GDAP1: variants seen among roughly 807,000 people sequenced by gnomAD.
GDAP1 encodes the protein ganglioside induced differentiation associated protein 1.
A neutral mutation model predicts 40.1 loss-of-function variants in GDAP1; 34 were observed. The ratio of observed to expected loss-of-function variants is 0.85; its 90% CI spans 0.64 to 1.13. GDAP1 has a LOEUF of 1.13. GDAP1 is among the 50% of genes most tolerant of loss of function. GDAP1 has a pLI of 0.00. For missense variants in GDAP1, 374 were observed against 433.7 expected, an observed-to-expected ratio of 0.86 and a Z score of 1.22; for synonymous variants, 170 against 157.4, an observed-to-expected ratio of 1.08 and a Z score of -0.60.
intron 2 of GDAP1, among the ~76,000 whole-genome samples, chr8:74,470,603 A>T (rs948579467): frequency 7.2e-5 from 11 of 152,194 alleles, no homozygotes; most frequent in Admixed American, 2.0e-4. Flanking sequence ...TTATGGCTGC[A>T]TAGTATTTCA....
Position 74,376,434 on chromosome 8 carries a change from T to C in GDAP1, c.165+25113T>C, listed in dbSNP as rs191801722. 5.6e-3 allele frequency among the ~76,000 whole-genome samples: 843 copies of C among 151,130 alleles called. 3 individuals carry two copies. The highest frequency in any genetic ancestry group is 0.014 in the Middle Eastern group (4 of 290). Reference sequence around the variant, plus strand: ...CGCGATCTTGGCTGACTGCAAGCTCTGCCTCCCGGGTTCACGCCATTCTCC... The same window carrying C: ...CGCGATCTTGGCTGACTGCAAGCTCCGCCTCCCGGGTTCACGCCATTCTCC... On this transcript the variant is annotated intron_variant, in intron 2 of 2. Coordinates refer to the GDAP1 transcript ENST00000523640.
At chr8:74,436,565 G>A (rs899357536) in intron 2 of GDAP1, among the ~76,000 whole-genome samples, 14 of 151,980 alleles carry the variant, frequency 9.2e-5, no homozygotes, top group Non-Finnish European at 4.4e-5. Context: ...TGGGATTACA[G>A]GTGTGCGCCA....
intron 2 of GDAP1, among the ~76,000 whole-genome samples, chr8:74,402,123 T>A (rs1331146175): frequency 6.7e-6 from 1 of 150,344 alleles, no homozygotes; most frequent in Non-Finnish European, 1.5e-5. Context: ...AGGTTACTGC[T>A]GCCTTTTTGT....
intron 2 of GDAP1, among the ~76,000 whole-genome samples, chr8:74,445,291 T>C (rs1033205079): frequency 6.6e-6 from 1 of 152,200 alleles, no homozygotes; most frequent in African/African-American, 2.4e-5. Context: ...GTAGAAACTA[T>C]TGCATCTTTT....
intron 2 of GDAP1, among the ~76,000 whole-genome samples, chr8:74,384,914 AG>A (rs1810003919): frequency 6.6e-6 from 1 of 152,314 alleles, no homozygotes; most frequent in South Asian, 2.1e-4. Context: ...TACACTAAAA[AG>A]TATACTAAGG....
chr8:74,482,119 TGGG>T (rs112227784), intron 2 of GDAP1, among the ~76,000 whole-genome samples: 12 of 70,750 alleles, frequency 1.7e-4, no homozygotes, highest in East Asian at 7.2e-4. Context: ...GGTTTTTTTT[TGGG>T]GGGGGGGGGT....
chr8:74,414,159 T>C (rs1434374461), intron 2 of GDAP1, among the ~76,000 whole-genome samples: 1 of 150,258 alleles, frequency 6.7e-6, no homozygotes, highest in Non-Finnish European at 1.5e-5. Flanking sequence ...TCTGATCAAT[T>C]GAATGCCCAA....
intron 2 of GDAP1, among the ~76,000 whole-genome samples, chr8:74,401,730 T>C (rs1810344954): frequency 6.7e-6 from 1 of 149,926 alleles, no homozygotes; most frequent in Non-Finnish European, 1.5e-5. Context: ...AGATGGGTTT[T>C]TGGTGTGGAT....
At chr8:74,402,527 C>T (rs1277932361) in intron 2 of GDAP1, among the ~76,000 whole-genome samples, 1 of 150,298 alleles carries the variant, frequency 6.7e-6, no homozygotes, top group Non-Finnish European at 1.5e-5. Context: ...AATGCCTCGC[C>T]CTGCTTCGGC....
chr8:74,371,897 A>G (rs1412913046), intron 2 of GDAP1, among the ~76,000 whole-genome samples: 1 of 151,556 alleles, frequency 6.6e-6, no homozygotes, highest in Non-Finnish European at 1.5e-5. Context: ...TACATTAGGT[A>G]TATCTCCTAA....
At chr8:74,476,877 C>A (rs970862082) in intron 2 of GDAP1, among the ~76,000 whole-genome samples, 1 of 152,124 alleles carries the variant, frequency 6.6e-6, no homozygotes, top group Admixed American at 6.5e-5. Context: ...TGAAATATGT[C>A]TTTCAAATTG....
chr8:74,457,659 T>A (rs1806352278), intron 2 of GDAP1, among the ~76,000 whole-genome samples: 1 of 152,142 alleles, frequency 6.6e-6, no homozygotes, highest in Non-Finnish European at 1.5e-5. Context: ...TAAACATCTA[T>A]TTTTTTAAAC....
intron 2 of GDAP1, among the ~76,000 whole-genome samples, chr8:74,353,298 A>G (rs1453348890): frequency 2.6e-5 from 4 of 152,220 alleles, no homozygotes; most frequent in East Asian, 1.9e-4. Flanking sequence ...TCAGCAATCA[A>G]GAGTCCTAGC....
In GDAP1 at chr8:74,407,451, A is replaced by T. The variant is rs114516744; in HGVS notation, c.165+56130A>T. On this transcript the variant is annotated intron_variant, in intron 2 of 2. Transcript: ENST00000523640. ...GGCTAGAAAAAACAGGTGGAAAAAGATGGAATGAACTGACTTGCTGAGTCT... is the reference window on the plus strand; with the variant it reads ...GGCTAGAAAAAACAGGTGGAAAAAGTTGGAATGAACTGACTTGCTGAGTCT... Among the ~76,000 whole-genome samples the T allele has an allele frequency of 6.1e-3, 907 of 149,784 alleles. 92 individuals carry two copies. The highest frequency in any genetic ancestry group is 0.022 in the African/African-American group (846 of 39,154).
chr8:74,486,567 C>T (rs1417753620), intron 2 of GDAP1, among the ~76,000 whole-genome samples: 1 of 152,140 alleles, frequency 6.6e-6, no homozygotes, highest in Non-Finnish European at 1.5e-5. Flanking sequence ...GAAAGATTCT[C>T]AAAAATCCAG....
At chr8:74,407,400 G>T (rs1224488055) in intron 2 of GDAP1, among the ~76,000 whole-genome samples, 1 of 149,780 alleles carries the variant, frequency 6.7e-6, no homozygotes, top group Non-Finnish European at 1.5e-5. Flanking sequence ...AATCTGCGTG[G>T]GTACCATCTA....
intron 2 of GDAP1, among the ~76,000 whole-genome samples, chr8:74,410,805 G>C (rs931687279): frequency 6.7e-6 from 1 of 150,274 alleles, no homozygotes; most frequent in African/African-American, 2.5e-5. Flanking sequence ...GTTGAAGTGT[G>C]TTCTTATGGC....
At chr8:74,381,181 A>T (rs1586815983) in intron 2 of GDAP1, among the ~76,000 whole-genome samples, 1 of 152,260 alleles carries the variant, frequency 6.6e-6, no homozygotes, top group East Asian at 1.9e-4. Flanking sequence ...ACCTCAACAA[A>T]GCTGTTTATA....
intron 2 of GDAP1, among the ~76,000 whole-genome samples, chr8:74,462,104 A>T (rs1422571766): frequency 1.3e-5 from 2 of 152,242 alleles, no homozygotes; most frequent in Non-Finnish European, 2.9e-5. Flanking sequence ...TGGTATCTAA[A>T]CAAACTTTAT....
Sources: allele counts gnomAD v4.1 joint callset (sites outside exome capture counted in the v4.1 genomes callset), GRCh38; gene constraint gnomAD v4.1.1; transcripts MANE v1.5; gene names NCBI Gene and HGNC (gene_info 2026-07-23, HGNC 2026-07-21).